TM4SF19: variants seen among roughly 807,000 people sequenced by gnomAD.
TM4SF19 encodes transmembrane 4 L6 family member 19.
Under a neutral mutation model 21.8 loss-of-function variants are expected in TM4SF19, and 17 were observed. That is an observed-to-expected ratio of 0.78 (90% CI 0.53 to 1.17). TM4SF19 has a LOEUF of 1.17. Among genes scored for constraint, TM4SF19 ranks in the 50% most tolerant of loss-of-function variants. The probability of loss-of-function intolerance (pLI) is 0.00; values close to 1 mark genes in which losing one functional copy is unlikely to be tolerated. For missense variants in TM4SF19, 216 were observed against 252.1 expected (o/e 0.86, Z 0.97); for synonymous variants, 107 against 106.7 (o/e 1.00, Z -0.02).
chr3:196,331,191 G>A (rs911243021), intron 1 of TM4SF19, among the ~76,000 whole-genome samples: 2 of 151,574 alleles, frequency 1.3e-5, no homozygotes, highest in African/African-American at 4.8e-5. Flanking sequence ...CAGCAGAATC[G>A]CTTGAGCCCA....
chr3:196,331,783 G>A lies in TM4SF19; in HGVS notation c.-1-4192C>T, dbSNP rs536714836. On this transcript the variant is annotated intron_variant, in intron 1 of 4. Coordinates refer to ENST00000273695, the MANE Select transcript of TM4SF19 (RefSeq NM_138461.4). ...GCCTGGACAACAAGAGTGAAACTCCGTCTCAGAAGAAAAAAAAATGTAATA... is the reference window on the plus strand; with the variant it reads ...GCCTGGACAACAAGAGTGAAACTCCATCTCAGAAGAAAAAAAAATGTAATA... Among the ~76,000 whole-genome samples the A allele has an allele frequency of 1.4e-4, 21 of 151,856 alleles. No individual in the cohort carries two copies. The East Asian group carries it at 2.7e-3, about 20-fold the overall frequency.
At chr3:196,338,175 G>A (rs1727849216) in intron 1 of TM4SF19, 89 bp downstream of exon 1, 1 of 152,392 alleles carries the variant, frequency 6.6e-6, no homozygotes, top group African/African-American at 2.4e-5. Flanking sequence ...AAGCTGCAGA[G>A]CCAGGCTCAC....
intron 3 of TM4SF19, 113 bp from the exon 4 acceptor site, chr3:196,324,553 G>T: frequency 1.0e-6 from 1 of 1,002,302 alleles, no homozygotes; most frequent in African/African-American, 1.6e-5. Context: ...CTGTGGGGCG[G>T]TCTGCACAGG....
intron 1 of TM4SF19, among the ~76,000 whole-genome samples, chr3:196,330,145 G>A (rs1392916137): frequency 7.9e-6 from 1 of 126,102 alleles, no homozygotes; most frequent in Non-Finnish European, 1.7e-5. Flanking sequence ...GCGCGCGGTG[G>A]TTTTGGGGTT....
intron 1 of TM4SF19, among the ~76,000 whole-genome samples, chr3:196,337,669 G>A (rs1242180990): frequency 6.6e-6 from 1 of 152,206 alleles, no homozygotes; most frequent in Non-Finnish European, 1.5e-5. Context: ...CCTCCCAAGT[G>A]CCTGTGCGGC....
intron 3 of TM4SF19, 47 bp downstream of exon 3, chr3:196,326,908 G>T: frequency 6.5e-7 from 1 of 1,536,584 alleles, no homozygotes; most frequent in South Asian, 1.1e-5. Context: ...TAGAGTAATA[G>T]AGGTGGAGAC....
intron 1 of TM4SF19, among the ~76,000 whole-genome samples, chr3:196,330,768 T>G (rs1727476325): frequency 6.6e-6 from 1 of 152,168 alleles, no homozygotes; most frequent in South Asian, 2.1e-4. Flanking sequence ...GTGTCTAGAT[T>G]CTGGTGGTGA....
rs758951434 is a variant in TM4SF19, at chr3:196,327,615, G to A, written c.-1-24C>T. On this transcript the variant is annotated intron_variant, in intron 1 of 4. Coordinates refer to ENST00000273695, the MANE Select transcript of TM4SF19 (RefSeq NM_138461.4). ...TCCTGGAACAGATAGAAAGGGAGTC[G>A]CAGCAGCTCTGCTGTGGGGGGATGG... The A allele has an allele frequency of 5.2e-5, 83 of 1,602,242 alleles. 1 individual carries two copies. The highest frequency in any genetic ancestry group is 3.6e-4 in the African/African-American group (27 of 74,810).
At position 196,327,395 on chromosome 3, in the gene TM4SF19, G is replaced by A; in HGVS notation, c.196C>T (p.Leu66Phe). 2.5e-6 allele frequency: 4 copies of A among 1,613,822 alleles called. No individual in the cohort carries two copies. Among genetic ancestry groups the A allele is most frequent in the Non-Finnish European group, 3.4e-6 (4 of 1,179,800 alleles). ...MLGTGLWGGG[L>F]MVLTAAILIS... The stretch of plus-strand genomic sequence containing the variant: ...AGGGAACCCCGGACACTTACCATGA[G>A]GCCTCCTCCCCAGAGCCCAGTTCCC... The change falls in exon 2 of 5, where the codon CTC becomes TTC. Residue 66 changes from leucine (L) to phenylalanine (F), a missense_variant. Physicochemically the swap from Leu to Phe is conservative, Grantham distance 22. Transcript: ENST00000273695.
intron 1 of TM4SF19, among the ~76,000 whole-genome samples, chr3:196,332,563 T>A (rs1727561561): frequency 6.6e-6 from 1 of 151,456 alleles, no homozygotes; most frequent in Admixed American, 6.6e-5. Context: ...CACACACACA[T>A]ATATATCATA....
Position 196,327,041 on chromosome 3 carries a change from G to A in TM4SF19, c.202-9C>T. ...ATAGCTGCAGTGAGTACCTGCAGGA[G>A]AGAGAAGAATGTTGAGATGGGGAAA... On this transcript the variant is annotated splice_polypyrimidine_tract_variant and intron_variant, in intron 2 of 4. Transcript: ENST00000273695. 1 of 1,599,086 alleles carries A rather than the reference G, an allele frequency of 6.3e-7. No homozygotes were observed. Among genetic ancestry groups the A allele is most frequent in the Non-Finnish European group, 8.6e-7 (1 of 1,167,112 alleles).
At position 196,334,824 on chromosome 3, in the gene TM4SF19, GGTGCCCT is replaced by G. The variant is rs1332390413; in HGVS notation, c.-2+3433_-2+3439del. On this transcript the variant is annotated intron_variant, in intron 1 of 4. Coordinates refer to ENST00000273695, the MANE Select transcript of TM4SF19 (RefSeq NM_138461.4). Reference sequence around the variant, plus strand: ...GAGGGTGGGGGTAGGAGAGAGGAAGGGTGCCCTGAGAAGGTGGGGGTTAGGAGAAGGG... The same window carrying G: ...GAGGGTGGGGGTAGGAGAGAGGAAGGGAGAAGGTGGGGGTTAGGAGAAGGG... Among the ~76,000 whole-genome samples the G allele has an allele frequency of 2.0e-3, 239 of 118,816 alleles. 17 individuals carry two copies. Among genetic ancestry groups the G allele is most frequent in the Admixed American group, 3.4e-3 (40 of 11,630 alleles). 77.9% of individuals were successfully genotyped at this position (118,816 alleles called of 152,430 possible).
chr3:196,332,477 A>AGGAAGG (rs989804979), intron 1 of TM4SF19, among the ~76,000 whole-genome samples: 7 of 148,648 alleles, frequency 4.7e-5, no homozygotes, highest in Non-Finnish European at 1.0e-4. Flanking sequence ...GGAAGGAAAG[A>AGGAAGG]GGAAGGGGAA....
chr3:196,329,029 T>C (rs1278002091), intron 1 of TM4SF19, among the ~76,000 whole-genome samples: 1 of 151,064 alleles, frequency 6.6e-6, no homozygotes, highest in Non-Finnish European at 1.5e-5. Context: ...CTGCAACCTC[T>C]GCCTCCCAGG....
chr3:196,331,273 T>A (rs567903582), intron 1 of TM4SF19, among the ~76,000 whole-genome samples: 89 of 147,768 alleles, frequency 6.0e-4, no homozygotes, highest in Non-Finnish European at 1.1e-3. Context: ...TGAAGCTCTA[T>A]CTAAAAAAAA....
At chr3:196,337,746 T>G (rs933530694) in intron 1 of TM4SF19, among the ~76,000 whole-genome samples, 2 of 152,244 alleles carry the variant, frequency 1.3e-5, no homozygotes, top group African/African-American at 4.8e-5. Context: ...TTGGCCCTTT[T>G]CCAAGTGTAC....
At chr3:196,328,400 C>T (rs1453839763) in intron 1 of TM4SF19, among the ~76,000 whole-genome samples, 4 of 151,646 alleles carry the variant, frequency 2.6e-5, no homozygotes, top group African/African-American at 7.3e-5. Context: ...AGTTTAGCAA[C>T]GTCATAGAAT....
At chr3:196,333,114 T>G (rs1267672559) in intron 1 of TM4SF19, among the ~76,000 whole-genome samples, 2 of 152,188 alleles carry the variant, frequency 1.3e-5, no homozygotes, top group Non-Finnish European at 2.9e-5. Context: ...TCCCAAAATG[T>G]TGGGATTACA....
chr3:196,326,987 C>G lies in TM4SF19; in HGVS notation c.247G>C (p.Gly83Arg). The G allele has an allele frequency of 6.2e-7, 1 of 1,611,710 alleles. No homozygotes were observed. Among genetic ancestry groups the G allele is most frequent in the South Asian group, 1.1e-5 (1 of 91,030 alleles). ...CAGAGCCCACTCTTACTGAAGCAGCCGTATCTCCAGCCCATCAAGGAGATG... is the reference window on the plus strand; with the variant it reads ...CAGAGCCCACTCTTACTGAAGCAGCGGTATCTCCAGCCCATCAAGGAGATG... ...ILISLMGWRYGCFSKSGLCRS... is the reference protein window; with the variant it reads ...ILISLMGWRYRCFSKSGLCRS... Residue 83 changes from glycine to arginine, a missense_variant, in exon 3 of 5, where the codon GGC becomes CGC. Coordinates refer to ENST00000273695, the MANE Select transcript of TM4SF19 (RefSeq NM_138461.4).
Sources: gnomAD v4.1 joint callset for allele counts (sites outside exome capture counted in the v4.1 genomes callset) on GRCh38, gnomAD v4.1.1 for gene constraint, MANE v1.5 for transcripts, NCBI Gene and HGNC (gene_info 2026-07-23, HGNC 2026-07-21) for gene names.